APBB2: variants seen among roughly 807,000 people sequenced by gnomAD.
APBB2 encodes the protein amyloid beta precursor protein binding family B member 2, also known as Fe65-like 1.
Under a neutral mutation model 82.5 loss-of-function variants are expected in APBB2, and 38 were observed. The ratio of observed to expected loss-of-function variants is 0.46; its 90% CI spans 0.36 to 0.60. APBB2 has a LOEUF of 0.60. Among genes scored for constraint, APBB2 ranks in the 20% least tolerant of loss-of-function variants. The probability of loss-of-function intolerance (pLI) is 0.00; values close to 1 mark genes in which losing one functional copy is unlikely to be tolerated. For missense variants in APBB2, 772 were observed against 972.3 expected (o/e 0.79, Z 2.74); for synonymous variants, 341 against 368.2 (o/e 0.93, Z 0.85).
Position 41,131,134 on chromosome 4 carries a change from T to C in APBB2, c.-261+11853A>G, listed in dbSNP as rs138358972. On this transcript the variant is annotated intron_variant, in intron 2 of 17. Coordinates refer to ENST00000508593, the MANE Select transcript of APBB2 (RefSeq NM_004307.2). ...TTCACAAAGCTCTACATTTCTGCCT[T>C]CTCTTGATGTATCAGCAGATCATGC... Among the ~76,000 whole-genome samples the C allele has an allele frequency of 5.1e-3, 775 of 152,296 alleles. 4 individuals carry two copies. The highest frequency in any genetic ancestry group is 9.0e-3 in the Non-Finnish European group (610 of 68,018).
intron 1 of APBB2, among the ~76,000 whole-genome samples, chr4:41,190,078 C>T (rs1039363135): frequency 4.6e-5 from 7 of 151,284 alleles, no homozygotes; most frequent in East Asian, 3.9e-4. Context: ...CAATCTTACA[C>T]GTGCTATTAT....
At chr4:40,975,088 C>T (rs1025208526) in intron 6 of APBB2, among the ~76,000 whole-genome samples, 1 of 152,148 alleles carries the variant, frequency 6.6e-6, no homozygotes, top group Non-Finnish European at 1.5e-5. Flanking sequence ...TTCCTCCCCA[C>T]CCCAATGCTA....
In APBB2 at chr4:40,819,189, CT is replaced by C. The variant is rs1228766862; in HGVS notation, c.2112+2681del. On this transcript the variant is annotated intron_variant, in intron 17 of 17. Transcript: ENST00000508593. ...CCCCTTGGCTCTCTTTTTTTTTTTT[CT>C]TTTTTTTTTTTTTGAGACAGGGTCT... 1.9e-3 allele frequency among the ~76,000 whole-genome samples: 125 copies of C among 65,474 alleles called. 1 individual carries two copies. In the East Asian group the frequency reaches 0.041, roughly 22 times the overall value. The allele number at this position is 65,474 out of a possible 152,430, so 43.0% of individuals were successfully genotyped here.
At chr4:40,833,638 G>C (rs1165192648) in intron 12 of APBB2, among the ~76,000 whole-genome samples, 2 of 152,216 alleles carry the variant, frequency 1.3e-5, no homozygotes, top group Non-Finnish European at 2.9e-5. Context: ...GAAGGGCCAG[G>C]CATTGAGATT....
intron 1 of APBB2, among the ~76,000 whole-genome samples, chr4:41,211,548 T>A (rs1187891507): frequency 1.3e-5 from 2 of 152,102 alleles, no homozygotes; most frequent in Non-Finnish European, 2.9e-5. Context: ...AGTGGCGCGA[T>A]CTTGGCTCAC....
rs192500932 is a variant in APBB2 at position 41,116,144 on chromosome 4, A to G, written c.-260-15394T>C. Reference sequence around the variant, plus strand: ...GAATACTATGCAGACATAAAAAAGGATGAGTTCATGTCTTTTGCAGGAACA... The same window carrying G: ...GAATACTATGCAGACATAAAAAAGGGTGAGTTCATGTCTTTTGCAGGAACA... On this transcript the variant is annotated intron_variant, in intron 2 of 17. Coordinates refer to ENST00000508593, the MANE Select transcript of APBB2 (RefSeq NM_004307.2). Among the ~76,000 whole-genome samples, 1,042 of 152,350 alleles carry G rather than the reference A, an allele frequency of 6.8e-3. 13 individuals are homozygous for G. Among genetic ancestry groups the G allele is most frequent in the African/African-American group, 0.021 (890 of 41,580 alleles).
intron 6 of APBB2, among the ~76,000 whole-genome samples, chr4:41,013,264 G>T (rs542274574): frequency 2.0e-5 from 3 of 152,236 alleles, no homozygotes; most frequent in Admixed American, 1.3e-4. Flanking sequence ...ATAGCATATA[G>T]AAATGATCTA....
chr4:41,131,544 C>T (rs2661657), intron 2 of APBB2, among the ~76,000 whole-genome samples: 144,459 of 152,178 alleles, frequency 0.95, 68,791 homozygotes, highest in Non-Finnish European at 0.99. Flanking sequence ...CTATGGTTCA[C>T]ATACCTTGAA....
intron 6 of APBB2, among the ~76,000 whole-genome samples, chr4:40,980,365 T>C (rs776878325): frequency 6.6e-6 from 1 of 152,206 alleles, no homozygotes; most frequent in Non-Finnish European, 1.5e-5. Flanking sequence ...CATGCATTTC[T>C]GGAAAGGATT....
intron 12 of APBB2, chr4:40,880,989 G>A: frequency 1.0e-6 from 1 of 985,394 alleles, no homozygotes; most frequent in African/African-American, 1.7e-5. Flanking sequence ...TCCTCTAAGG[G>A]AAACTGTTCT....
Position 40,825,957 on chromosome 4 carries a change from T to C in APBB2, c.1746A>G (p.Thr582=), listed in dbSNP as rs1749777352. The change falls in exon 15 of 18, where the codon ACA becomes ACG. Residue 582 remains threonine (T), a synonymous_variant. Transcript: ENST00000508593. Reference sequence around the variant, plus strand: ...ACTTCTGGACCAGCTCAGTCTTTGGTGTTGGAAAATCTACTACAGGGAACA... The same window carrying C: ...ACTTCTGGACCAGCTCAGTCTTTGGCGTTGGAAAATCTACTACAGGGAACA... ...LDVPLQVDFP[T]PKTELVQKFH... is the part of the protein sequence containing the mutation. The C allele has an allele frequency of 1.2e-6, 2 of 1,613,964 alleles. No homozygotes were observed. The highest frequency in any genetic ancestry group is 2.2e-5 in the South Asian group (2 of 91,082).
intron 1 of APBB2, chr4:41,194,116 C>T: frequency 2.0e-5 from 3 of 149,250 alleles, no homozygotes; most frequent in African/African-American, 7.5e-5. Flanking sequence ...AGTTTGAAAC[C>T]ATTCTGGGCA....
intron 6 of APBB2, among the ~76,000 whole-genome samples, chr4:40,999,552 A>G (rs899801449): frequency 1.3e-5 from 2 of 152,252 alleles, no homozygotes; most frequent in Non-Finnish European, 2.9e-5. Context: ...TGCAGCTTAC[A>G]GTTCAGTTTC....
At chr4:40,962,727 G>A (rs974706135) in intron 6 of APBB2, among the ~76,000 whole-genome samples, 3 of 151,832 alleles carry the variant, frequency 2.0e-5, no homozygotes, top group African/African-American at 4.8e-5. Flanking sequence ...AGAAGTGGGG[G>A]AAGGGAGGGA....
intron 17 of APBB2, among the ~76,000 whole-genome samples, 168 bp downstream of exon 17, chr4:40,821,703 T>C (rs1747994020): frequency 6.6e-6 from 1 of 152,224 alleles, no homozygotes; most frequent in African/African-American, 2.4e-5. Flanking sequence ...AGATGTAATC[T>C]GTTTATCATA....
chr4:40,822,178 G>T, intron 16 of APBB2, 128 bp from the exon 17 acceptor site: 1 of 1,106,268 alleles, frequency 9.0e-7, no homozygotes, highest in Non-Finnish European at 1.3e-6. Flanking sequence ...TGTTTTTCTC[G>T]AAAGGCGGAA....
chr4:40,961,975 A>G (rs4861340), intron 6 of APBB2, among the ~76,000 whole-genome samples: 25,365 of 152,226 alleles, frequency 0.17, 2,502 homozygotes, highest in Admixed American at 0.24. Context: ...AAGGTTTTCA[A>G]TTTTTGATCT....
rs1224619920 is a variant in APBB2, at chr4:41,127,232, C to A, written c.-261+15755G>T. 1.3e-5 allele frequency among the ~76,000 whole-genome samples: 2 copies of A among 151,482 alleles called. No individual in the cohort carries two copies. The highest frequency in any genetic ancestry group is 2.9e-5 in the Non-Finnish European group (2 of 67,910). ...CTTTATGAAATACTTCATAAAGACACACACCAAACAACCATAATGAAAAGT... is the reference window on the plus strand; with the variant it reads ...CTTTATGAAATACTTCATAAAGACAAACACCAAACAACCATAATGAAAAGT... On this transcript the variant is annotated intron_variant, in intron 2 of 17. Coordinates refer to ENST00000508593, the MANE Select transcript of APBB2 (RefSeq NM_004307.2). The surrounding 1 kb of genome is among the most constrained non-coding windows in gnomAD (Gnocchi z 4.8).
chr4:41,104,855 T>C (rs1418616078), intron 2 of APBB2, among the ~76,000 whole-genome samples: 2 of 152,232 alleles, frequency 1.3e-5, no homozygotes, highest in Non-Finnish European at 1.5e-5. Flanking sequence ...GGCTGCATAG[T>C]ATTCTAGTGT....
Sources: allele counts gnomAD v4.1 joint callset (sites outside exome capture counted in the v4.1 genomes callset), GRCh38; gene constraint gnomAD v4.1.1; non-coding constraint Gnocchi (gnomAD v3.1); transcripts MANE v1.5; gene names NCBI Gene and HGNC (gene_info 2026-07-23, HGNC 2026-07-21).